The following BMPR1B variants were observed in gnomAD, a reference collection of about 807,000 sequenced individuals.
The protein encoded by BMPR1B is bone morphogenetic protein receptor type-1B.
In BMPR1B, 12 loss-of-function variants were observed where a neutral mutation model predicts 59.1. The observed-to-expected ratio is 0.20, with a 90% CI of 0.13 to 0.33. The LOEUF (loss-of-function observed/expected upper bound fraction) is 0.33. Among genes scored for constraint, BMPR1B ranks in the 10% least tolerant of loss-of-function variants. The pLI is 1.00. For synonymous variants in BMPR1B, 237 were observed against 207.3 expected (o/e 1.14, Z -1.23); for missense variants, 550 against 610.9 (o/e 0.90, Z 1.05).
intron 4 of BMPR1B, among the ~76,000 whole-genome samples, chr4:95,112,273 AG>A (rs1458337854): frequency 1.3e-5 from 2 of 152,062 alleles, no homozygotes; most frequent in African/African-American, 4.8e-5. Context: ...TCTGGGAACG[AG>A]GGTAACAATC....
chr4:94,824,730 TTGGGGAAAAA>T (rs1391563096), intron 1 of BMPR1B, among the ~76,000 whole-genome samples: 2 of 152,164 alleles, frequency 1.3e-5, no homozygotes, highest in African/African-American at 2.4e-5. Flanking sequence ...TTAATTGATC[TTGGGGAAAAA>T]TGGGGAAAAT....
chr4:95,106,504 A>G (rs1291002382), intron 4 of BMPR1B, among the ~76,000 whole-genome samples: 1 of 152,054 alleles, frequency 6.6e-6, no homozygotes, highest in East Asian at 1.9e-4. Flanking sequence ...ATAGAGCTGT[A>G]TGATGATGGA....
intron 3 of BMPR1B, among the ~76,000 whole-genome samples, chr4:95,095,046 T>TATATAA (rs1730265309): frequency 6.6e-6 from 1 of 150,904 alleles, no homozygotes; most frequent in Non-Finnish European, 1.5e-5. Flanking sequence ...ATATATATAA[T>TATATAA]TTTTTTTTCC....
chr4:94,932,778 G>A (rs1729145750), intron 2 of BMPR1B, among the ~76,000 whole-genome samples: 1 of 152,108 alleles, frequency 6.6e-6, no homozygotes, highest in South Asian at 2.1e-4. Context: ...GATTAATTAT[G>A]CCTGGAGGAA....
chr4:94,858,177 CCT>C (rs1378372562), intron 1 of BMPR1B, among the ~76,000 whole-genome samples: 2 of 152,032 alleles, frequency 1.3e-5, no homozygotes, highest in East Asian at 3.9e-4. Flanking sequence ...GTCTCGATCT[CCT>C]GACCTCGTGA....
intron 2 of BMPR1B, among the ~76,000 whole-genome samples, chr4:94,915,248 G>A (rs1319509629): frequency 1.3e-5 from 2 of 152,036 alleles, no homozygotes; most frequent in Non-Finnish European, 2.9e-5. Flanking sequence ...ATTTCTAGCT[G>A]CCCTTACATT....
chr4:94,991,932 A>C (rs1023272746), intron 2 of BMPR1B, among the ~76,000 whole-genome samples: 2 of 152,208 alleles, frequency 1.3e-5, no homozygotes, highest in African/African-American at 4.8e-5. Flanking sequence ...TGCAGTCTTC[A>C]TCTCTCCAGG....
chr4:94,790,828 C>T (rs567862328), intron 1 of BMPR1B, among the ~76,000 whole-genome samples: 6 of 152,252 alleles, frequency 3.9e-5, no homozygotes, highest in East Asian at 1.9e-4. Context: ...ATTTTTATCA[C>T]GATGAGTGGC....
chr4:95,123,617 A>G (rs1487719826), intron 6 of BMPR1B, among the ~76,000 whole-genome samples, 193 bp from the exon 7 acceptor site: 1 of 152,142 alleles, frequency 6.6e-6, no homozygotes, highest in Non-Finnish European at 1.5e-5. Flanking sequence ...TGCCTAGGTG[A>G]AGGATGATTC....
chr4:94,946,559 G>T (rs1399918008), intron 2 of BMPR1B, among the ~76,000 whole-genome samples: 2 of 152,142 alleles, frequency 1.3e-5, no homozygotes, highest in Non-Finnish European at 2.9e-5. Context: ...TGATTTTTCT[G>T]TGGCAAGAAT....
At chr4:95,120,314 G>T (rs1206859868) in intron 6 of BMPR1B, among the ~76,000 whole-genome samples, 2 of 152,180 alleles carry the variant, frequency 1.3e-5, no homozygotes, top group African/African-American at 2.4e-5. Context: ...ATTGTGAATA[G>T]TGTGGCAATG....
intron 5 of BMPR1B, among the ~76,000 whole-genome samples, chr4:95,115,372 G>C (rs532785893): frequency 6.6e-6 from 1 of 151,956 alleles, no homozygotes; most frequent in Non-Finnish European, 1.5e-5. Context: ...GTTTAGTGTC[G>C]CATTAGAGCA....
intron 3 of BMPR1B, among the ~76,000 whole-genome samples, chr4:95,072,531 A>C (rs969036346): frequency 6.6e-6 from 1 of 152,176 alleles, no homozygotes; most frequent in African/African-American, 2.4e-5. Context: ...CTTAATAGAG[A>C]CCAGAATAAA....
intron 3 of BMPR1B, among the ~76,000 whole-genome samples, chr4:95,004,132 C>T (rs1044374519): frequency 1.3e-5 from 2 of 152,078 alleles, no homozygotes; most frequent in East Asian, 1.9e-4. Context: ...TGTTTGTGTA[C>T]GTGTGGGGGA....
chr4:95,124,156 G>A (rs1216352804), intron 7 of BMPR1B, among the ~76,000 whole-genome samples: 1 of 151,836 alleles, frequency 6.6e-6, no homozygotes, highest in East Asian at 1.9e-4. Flanking sequence ...GGGAAACTAG[G>A]GTAGTTAGAG....
At chr4:94,925,923 G>A (rs1035563684) in intron 2 of BMPR1B, among the ~76,000 whole-genome samples, 8 of 151,900 alleles carry the variant, frequency 5.3e-5, no homozygotes, top group African/African-American at 9.7e-5. Context: ...CCAATTTCAC[G>A]CAGCAAAGAT....
At chr4:95,098,477 C>T (rs955147632) in intron 3 of BMPR1B, among the ~76,000 whole-genome samples, 4 of 151,374 alleles carry the variant, frequency 2.6e-5, no homozygotes, top group Admixed American at 1.3e-4. Context: ...TAAAACAGTG[C>T]AGTTTCTCAT....
chr4:95,073,569 C>T (rs535927368), intron 3 of BMPR1B, among the ~76,000 whole-genome samples: 65 of 152,078 alleles, frequency 4.3e-4, no homozygotes, highest in African/African-American at 1.5e-3. Flanking sequence ...TTGGATCCTT[C>T]AGAATTGGAT....
chr4:95,116,040 T>TA (rs1732005894), intron 6 of BMPR1B, among the ~76,000 whole-genome samples: 2 of 152,134 alleles, frequency 1.3e-5, no homozygotes, highest in Non-Finnish European at 2.9e-5. Context: ...TTCCTAGAGT[T>TA]TGTAGTGTAT....
Sources: allele counts gnomAD v4.1 joint callset (sites outside exome capture counted in the v4.1 genomes callset), GRCh38; gene constraint gnomAD v4.1.1; transcripts MANE v1.5; gene names NCBI Gene and HGNC (gene_info 2026-07-23, HGNC 2026-07-21).